Variants in PEBP4 observed in about 807,000 individuals in gnomAD.
PEBP4 encodes phosphatidylethanolamine-binding protein 4.
Under a neutral mutation model 23.9 loss-of-function variants are expected in PEBP4, and 22 were observed. The ratio of observed to expected loss-of-function variants is 0.92; its 90% CI spans 0.66 to 1.31. The LOEUF (loss-of-function observed/expected upper bound fraction) is 1.31. Among genes scored for constraint, PEBP4 ranks in the 40% most tolerant of loss-of-function variants. The pLI is 0.00. For missense variants in PEBP4, 324 were observed against 281.7 expected (o/e 1.15, Z -1.07); for synonymous variants, 112 against 99.3 (o/e 1.13, Z -0.76).
At chr8:22,891,879 T>G (rs1200609034) in intron 3 of PEBP4, among the ~76,000 whole-genome samples, 3 of 152,126 alleles carry the variant, frequency 2.0e-5, no homozygotes, top group African/African-American at 4.8e-5. Flanking sequence ...CGAGACCATC[T>G]TGGCTGACAC....
At chr8:22,726,916 C>A (rs1804631908) in intron 5 of PEBP4, among the ~76,000 whole-genome samples, 1 of 152,142 alleles carries the variant, frequency 6.6e-6, no homozygotes, top group Non-Finnish European at 1.5e-5. Context: ...TCAGATGGCC[C>A]CCTGCACTGT....
At chr8:22,830,104 G>A (rs1335943030) in intron 3 of PEBP4, among the ~76,000 whole-genome samples, 3 of 138,812 alleles carry the variant, frequency 2.2e-5, no homozygotes, top group African/African-American at 8.6e-5. Context: ...TGGGTCCTAG[G>A]CTGTGGTTTT....
At chr8:22,929,109 G>A (rs1191485131), upstream of PEBP4, among the ~76,000 whole-genome samples, 2 of 152,222 alleles carry the variant, frequency 1.3e-5, no homozygotes, top group Non-Finnish European at 2.9e-5. Context: ...TTATGAGAAT[G>A]AAATCAACCA....
Position 22,817,539 on chromosome 8 carries a change from G to A in PEBP4, c.357+98C>T, listed in dbSNP as rs1047801119. 76 of 1,164,660 alleles carry A rather than the reference G, an allele frequency of 6.5e-5. No individual in the cohort carries two copies. The Middle Eastern group carries it at 1.9e-3, about 30-fold the overall frequency. The allele number at this position is 1,164,660 out of a possible 1,614,324, so 72.1% of individuals were successfully genotyped here. A position where few individuals can be genotyped will look rare whatever the true frequency, so the allele number is the denominator to read the frequency against. On this transcript the variant is annotated intron_variant, in intron 4 of 6. Transcript: ENST00000256404. ...GGGGAGATGGGACACAGAAGTCCTC[G>A]CTCCAACCTTCCTGGATGAGAGGTG...
chr8:22,810,003 G>C (rs1177941587), intron 4 of PEBP4, among the ~76,000 whole-genome samples: 1 of 152,252 alleles, frequency 6.6e-6, no homozygotes, highest in Non-Finnish European at 1.5e-5. Flanking sequence ...TATATGCTCA[G>C]TTCTTGTGCA....
intron 6 of PEBP4, among the ~76,000 whole-genome samples, chr8:22,718,956 G>A (rs1804466829): frequency 6.6e-6 from 1 of 152,060 alleles, no homozygotes; most frequent in African/African-American, 2.4e-5. Context: ...GCTGCGTGGG[G>A]CTCTGCTGCC....
chr8:22,748,319 C>A (rs566996215), intron 4 of PEBP4, among the ~76,000 whole-genome samples: 1 of 152,010 alleles, frequency 6.6e-6, no homozygotes, highest in Non-Finnish European at 1.5e-5. Context: ...GCCCATCAGT[C>A]CGTATTGATG....
intron 4 of PEBP4, among the ~76,000 whole-genome samples, chr8:22,812,904 T>C (rs1019367462): frequency 6.6e-6 from 1 of 152,178 alleles, no homozygotes; most frequent in Non-Finnish European, 1.5e-5. Flanking sequence ...TTTTTCCTTG[T>C]CTCCACCCTG....
Position 22,793,850 on chromosome 8 carries a change from C to T in PEBP4, c.357+23787G>A, listed in dbSNP as rs548938288. Among the ~76,000 whole-genome samples the T allele has an allele frequency of 1.9e-4, 29 of 152,270 alleles. No individual in the cohort carries two copies. The East Asian group carries it at 5.4e-3, about 28-fold the overall frequency. On this transcript the variant is annotated intron_variant, in intron 4 of 6. Transcript: ENST00000256404. ...CTGAAAGCTATATACATTTTAAAGGCATTTGACATTCAATACACACAGCCA... is the reference window on the plus strand; with the variant it reads ...CTGAAAGCTATATACATTTTAAAGGTATTTGACATTCAATACACACAGCCA...
intron 4 of PEBP4, among the ~76,000 whole-genome samples, chr8:22,762,341 A>T (rs1805525023): frequency 6.6e-6 from 1 of 152,156 alleles, no homozygotes; most frequent in African/African-American, 2.4e-5. Context: ...ATTTATATGT[A>T]TATAAATATA....
chr8:22,797,108 G>A (rs554192992), intron 4 of PEBP4, among the ~76,000 whole-genome samples: 1 of 152,006 alleles, frequency 6.6e-6, no homozygotes, highest in East Asian at 1.9e-4. Context: ...ATGAAAATCA[G>A]CCGGGCATGG....
At chr8:22,827,060 T>C (rs1303450044) in intron 3 of PEBP4, among the ~76,000 whole-genome samples, 1 of 152,098 alleles carries the variant, frequency 6.6e-6, no homozygotes, top group African/African-American at 2.4e-5. Flanking sequence ...CTTTTGAAGG[T>C]TATTTGGGGA....
chr8:22,847,674 G>C (rs1477969622), intron 3 of PEBP4, among the ~76,000 whole-genome samples: 1 of 152,108 alleles, frequency 6.6e-6, no homozygotes, highest in African/African-American at 2.4e-5. Context: ...GGTGGGGGAG[G>C]GTAAACCCTA....
chr8:22,905,851 A>G (rs1335123242), intron 3 of PEBP4, among the ~76,000 whole-genome samples: 1 of 152,192 alleles, frequency 6.6e-6, no homozygotes, highest in African/African-American at 2.4e-5. Flanking sequence ...ATACTGAAAA[A>G]GGTACACCTC....
intron 3 of PEBP4, among the ~76,000 whole-genome samples, chr8:22,842,225 C>T (rs1044679343): frequency 6.6e-6 from 1 of 152,204 alleles, no homozygotes; most frequent in Non-Finnish European, 1.5e-5. Context: ...ACAAATTGCT[C>T]TTTAAAACGT....
chr8:22,920,836 G>A (rs1015205574), intron 2 of PEBP4, among the ~76,000 whole-genome samples: 2 of 152,186 alleles, frequency 1.3e-5, no homozygotes, highest in Admixed American at 1.3e-4. Flanking sequence ...CCACCATTAG[G>A]TGAAGAATTG....
intron 4 of PEBP4, among the ~76,000 whole-genome samples, chr8:22,760,661 C>T (rs142113435): frequency 6.6e-6 from 1 of 152,036 alleles, no homozygotes; most frequent in Non-Finnish European, 1.5e-5. Flanking sequence ...TCCTACAGGG[C>T]CTGTACCATG....
chr8:22,841,605 G>A (rs1450601661), intron 3 of PEBP4, among the ~76,000 whole-genome samples: 4 of 152,240 alleles, frequency 2.6e-5, no homozygotes, highest in Non-Finnish European at 5.9e-5. Flanking sequence ...GAGGATCAGG[G>A]AGGCCCTCTG....
intron 3 of PEBP4, among the ~76,000 whole-genome samples, chr8:22,831,002 G>A (rs1807074031): frequency 6.6e-6 from 1 of 152,134 alleles, no homozygotes; most frequent in South Asian, 2.1e-4. Context: ...ATTTGGCCCT[G>A]CAACCAGCCC....
Sources: allele counts gnomAD v4.1 joint callset (sites outside exome capture counted in the v4.1 genomes callset), GRCh38; gene constraint gnomAD v4.1.1; transcripts MANE v1.5; gene names NCBI Gene and HGNC (gene_info 2026-07-23, HGNC 2026-07-21).